IL1RAPL1: variants seen among roughly 807,000 people sequenced by gnomAD.
IL1RAPL1 encodes interleukin-1 receptor accessory protein-like 1.
IL1RAPL1 carries 3 observed loss-of-function variants against 48.4 expected under a neutral mutation model. The ratio of observed to expected loss-of-function variants is 0.06; its 90% CI spans 0.03 to 0.16. The LOEUF is 0.16. Among genes scored for constraint, IL1RAPL1 ranks in the 10% least tolerant of loss-of-function variants. The probability of loss-of-function intolerance (pLI) is 1.00; values close to 1 mark genes in which losing one functional copy is unlikely to be tolerated. For synonymous variants in IL1RAPL1, 185 were observed against 187.7 expected (o/e 0.99, Z 0.12); for missense variants, 349 against 530.6 (o/e 0.66, Z 3.36).
At chrX:29,108,953 A>G (rs1928504042) in intron 2 of IL1RAPL1, among the ~76,000 whole-genome samples, 1 of 111,357 alleles carries the variant, frequency 9.0e-6, no homozygotes, top group African/African-American at 3.3e-5. Context: ...CCAGAGTAAG[A>G]CATCTTTTTT....
At chrX:29,498,283 T>C (rs753117547) in intron 5 of IL1RAPL1, among the ~76,000 whole-genome samples, 1 of 111,703 alleles carries the variant, frequency 9.0e-6, no homozygotes, top group Non-Finnish European at 1.9e-5. Context: ...AAACAGTTCT[T>C]CCCCCTCTTG....
At chrX:29,746,446 G>A (rs970492096) in intron 6 of IL1RAPL1, among the ~76,000 whole-genome samples, 5 of 111,689 alleles carry the variant, frequency 4.5e-5, no homozygotes, top group African/African-American at 6.5e-5. Flanking sequence ...TATGTGTGGA[G>A]CAAGTTTCTG....
chrX:29,112,303 A>G (rs144560045), intron 2 of IL1RAPL1, among the ~76,000 whole-genome samples: 1,359 of 111,579 alleles, frequency 0.012, 26 homozygotes, highest in African/African-American at 0.042. Flanking sequence ...TATTGTTAAT[A>G]TTTGCCTTAA....
chrX:29,640,660 A>T (rs184064752), intron 5 of IL1RAPL1, among the ~76,000 whole-genome samples: 2 of 111,763 alleles, frequency 1.8e-5, no homozygotes, highest in East Asian at 5.6e-4. Flanking sequence ...TTTGTATCCC[A>T]CATCCCAAGG....
rs182629805 is a variant in IL1RAPL1, at chrX:28,723,441, C to A, written c.-24-65879C>A. Among the ~76,000 whole-genome samples the A allele has an allele frequency of 3.5e-4, 39 of 110,846 alleles. No homozygotes were observed. The East Asian group carries it at 0.01, about 29-fold the overall frequency. The stretch of plus-strand genomic sequence containing the variant: ...ATTTCTGTGGGATCAGTGGTGATAT[C>A]CCCTTTATCATTTTTTATTGCAACT... On this transcript the variant is annotated intron_variant, in intron 1 of 10. Coordinates refer to ENST00000378993, the MANE Select transcript of IL1RAPL1 (RefSeq NM_014271.4).
intron 6 of IL1RAPL1, among the ~76,000 whole-genome samples, chrX:29,721,314 G>C (rs1185333054): frequency 9.0e-6 from 1 of 111,410 alleles, no homozygotes. Flanking sequence ...ATGAAGATAC[G>C]ATGCATCTAT....
At chrX:29,655,484 G>A (rs1298064422) in intron 5 of IL1RAPL1, among the ~76,000 whole-genome samples, 2 of 109,855 alleles carry the variant, frequency 1.8e-5, no homozygotes, top group East Asian at 2.9e-4. Context: ...CCAACATGGC[G>A]AAACCAGGTC....
At chrX:29,875,323 A>G (rs1931880303) in intron 6 of IL1RAPL1, among the ~76,000 whole-genome samples, 1 of 111,697 alleles carries the variant, frequency 9.0e-6, no homozygotes, top group African/African-American at 3.3e-5. Context: ...AGTTGTGCAG[A>G]CTTTAAAACA....
At chrX:29,917,233 C>CCAGT (rs1341083615) in intron 6 of IL1RAPL1, among the ~76,000 whole-genome samples, 1 of 112,263 alleles carries the variant, frequency 8.9e-6, no homozygotes, top group East Asian at 2.8e-4. Context: ...CAATAGCCGA[C>CCAGT]CAGTCCTCTT....
chrX:29,909,553 A>AAAAT (rs1387490313), intron 6 of IL1RAPL1, among the ~76,000 whole-genome samples: 1 of 112,163 alleles, frequency 8.9e-6, no homozygotes, highest in African/African-American at 3.2e-5. Flanking sequence ...CACAAAAAAT[A>AAAAT]AAATAAAATG....
At chrX:29,136,124 CTTTTTTTT>C (rs35972652) in intron 2 of IL1RAPL1, among the ~76,000 whole-genome samples, 1 of 64,199 alleles carries the variant, frequency 1.6e-5, no homozygotes, top group Non-Finnish European at 2.9e-5. Context: ...CATTTGAACT[CTTTTTTTT>C]TTTTTTTTTT....
Position 28,779,634 on chromosome X carries a change from GTATATATATATATATATA to G in IL1RAPL1, c.-24-9659_-24-9642del, listed in dbSNP as rs1183080798. On this transcript the variant is annotated intron_variant, in intron 1 of 10. Transcript: ENST00000378993. ...GATACTATTATGTGTGTGTGTGTGTGTATATATATATATATATATATATATATATATATATATATATAT... is the reference window on the plus strand; with the variant it reads ...GATACTATTATGTGTGTGTGTGTGTGTATATATATATATATATATATATAT... Among the ~76,000 whole-genome samples the G allele has an allele frequency of 2.9e-4, 11 of 38,322 alleles. No homozygotes were observed. In the East Asian group the frequency reaches 4.1e-3, roughly 14 times the overall value. The allele number at this position is 38,322 out of a possible 115,157, so 33.3% of individuals were successfully genotyped here. A position where few individuals can be genotyped will look rare whatever the true frequency, so the allele number is the denominator to read the frequency against.
At chrX:28,814,060 T>C (rs185794317) in intron 2 of IL1RAPL1, among the ~76,000 whole-genome samples, 41 of 110,453 alleles carry the variant, frequency 3.7e-4, no homozygotes, top group Admixed American at 2.7e-3. Flanking sequence ...CTTCTTGAAA[T>C]TGGAATTAGA....
intron 5 of IL1RAPL1, among the ~76,000 whole-genome samples, chrX:29,427,938 T>G (rs1269991305): frequency 1.8e-5 from 2 of 111,940 alleles, no homozygotes; most frequent in East Asian, 5.6e-4. Flanking sequence ...TTATCATCCT[T>G]GCTTTAAATT....
intron 2 of IL1RAPL1, among the ~76,000 whole-genome samples, chrX:28,808,569 G>T (rs1471836387): frequency 9.0e-6 from 1 of 110,645 alleles, no homozygotes; most frequent in Non-Finnish European, 1.9e-5. Context: ...TGCTTTATGG[G>T]ATTATGTAGT....
At chrX:28,819,964 A>C (rs1174463045) in intron 2 of IL1RAPL1, among the ~76,000 whole-genome samples, 1 of 65,077 alleles carries the variant, frequency 1.5e-5, no homozygotes, top group African/African-American at 5.3e-5. Flanking sequence ...GCATAAACAT[A>C]GTGATATATA....
At chrX:29,139,298 G>A (rs1345308110) in intron 2 of IL1RAPL1, among the ~76,000 whole-genome samples, 1 of 110,251 alleles carries the variant, frequency 9.1e-6, no homozygotes, top group Non-Finnish European at 1.9e-5. Flanking sequence ...GGAAGGTAAG[G>A]CAAGAAGAAT....
chrX:29,398,514 A>G (rs188105256), intron 4 of IL1RAPL1, among the ~76,000 whole-genome samples: 1 of 112,255 alleles, frequency 8.9e-6, no homozygotes, highest in East Asian at 2.8e-4. Flanking sequence ...TCTATTAACA[A>G]TGAAAACAGA....
At chrX:29,018,623 CAG>C (rs1472483426) in intron 2 of IL1RAPL1, among the ~76,000 whole-genome samples, 1 of 112,018 alleles carries the variant, frequency 8.9e-6, no homozygotes, top group African/African-American at 3.2e-5. Flanking sequence ...AGTAACCACT[CAG>C]GGGTTTTAAT....
Sources: allele counts gnomAD v4.1 joint callset (sites outside exome capture counted in the v4.1 genomes callset), GRCh38; gene constraint gnomAD v4.1.1; transcripts MANE v1.5; gene names NCBI Gene and HGNC (gene_info 2026-07-23, HGNC 2026-07-21).